Variants in ATF7IP2 observed in about 807,000 individuals in gnomAD.
The protein encoded by ATF7IP2 is activating transcription factor 7-interacting protein 2.
ATF7IP2 carries 42 observed loss-of-function variants against 64.2 expected under a neutral mutation model. That is an observed-to-expected ratio of 0.65 (90% confidence interval 0.51 to 0.85). The LOEUF is 0.85. ATF7IP2 is among the 40% of genes least tolerant of loss of function. The pLI, the probability that ATF7IP2 is intolerant of heterozygous loss-of-function variation, is 0.00. For missense variants in ATF7IP2, 933 were observed against 784.2 expected, an observed-to-expected ratio of 1.19 and a Z score of -2.27; for synonymous variants, 308 against 272.8, an observed-to-expected ratio of 1.13 and a Z score of -1.27.
chr16:10,428,395 A>G (rs1482721090), intron 3 of ATF7IP2, among the ~76,000 whole-genome samples: 2 of 152,136 alleles, frequency 1.3e-5, no homozygotes, highest in African/African-American at 4.8e-5. Context: ...CATAGTAACA[A>G]TATGTTCACG....
intron 9 of ATF7IP2, among the ~76,000 whole-genome samples, chr16:10,470,839 G>A (rs375802216): frequency 7.0e-5 from 9 of 128,298 alleles, no homozygotes; most frequent in Admixed American, 3.7e-4. Context: ...ATATATATAT[G>A]TGTGTGTATA....
At chr16:10,474,815 T>C (rs2049943623) in intron 12 of ATF7IP2, among the ~76,000 whole-genome samples, 1 of 152,188 alleles carries the variant, frequency 6.6e-6, no homozygotes, top group Non-Finnish European at 1.5e-5. Flanking sequence ...TTCACAGGTT[T>C]CTAGGCTAGA....
chr16:10,416,026 T>G (rs778286966), intron 2 of ATF7IP2, among the ~76,000 whole-genome samples: 8 of 152,208 alleles, frequency 5.3e-5, no homozygotes, highest in Non-Finnish European at 1.2e-4. Context: ...ACAACCAGTA[T>G]GGAGACCAGT....
At chr16:10,475,490 G>C (rs1283848299) in intron 12 of ATF7IP2, among the ~76,000 whole-genome samples, 1 of 152,018 alleles carries the variant, frequency 6.6e-6, no homozygotes, top group Non-Finnish European at 1.5e-5. Context: ...AGGAGATCAA[G>C]ACTATCCTGG....
At chr16:10,388,733 G>A (rs1436327320) in intron 1 of ATF7IP2, among the ~76,000 whole-genome samples, 3 of 152,146 alleles carry the variant, frequency 2.0e-5, no homozygotes, top group Admixed American at 6.5e-5. Context: ...TTTGTAGGCC[G>A]GGCGCGGTGG....
intron 1 of ATF7IP2, among the ~76,000 whole-genome samples, chr16:10,404,383 G>T (rs1013769414): frequency 2.0e-5 from 3 of 152,148 alleles, no homozygotes; most frequent in Admixed American, 2.0e-4. Context: ...CTCCCGAGTA[G>T]CTGGGATTAC....
At chr16:10,436,991 A>G (rs958978750) in intron 6 of ATF7IP2, among the ~76,000 whole-genome samples, 7 of 151,594 alleles carry the variant, frequency 4.6e-5, no homozygotes, top group African/African-American at 1.7e-4. Flanking sequence ...TAACATTGGT[A>G]ACTACATAAT....
chr16:10,442,714 C>A (rs561193480), intron 8 of ATF7IP2, among the ~76,000 whole-genome samples: 1 of 152,088 alleles, frequency 6.6e-6, no homozygotes, highest in South Asian at 2.1e-4. Context: ...GTTCCTATCA[C>A]GATACAGACT....
intron 8 of ATF7IP2, among the ~76,000 whole-genome samples, chr16:10,444,033 GT>G (rs2048719070): frequency 6.6e-6 from 1 of 152,128 alleles, no homozygotes; most frequent in African/African-American, 2.4e-5. Context: ...AGAGTTAGGG[GT>G]GGGTTCTGTG....
At chr16:10,457,637 T>C in intron 9 of ATF7IP2, 108 bp downstream of exon 9, 1 of 843,864 alleles carries the variant, frequency 1.2e-6, no homozygotes, top group Non-Finnish European at 1.8e-6. Context: ...TAACATTCAC[T>C]CTTAAAATGT....
At chr16:10,458,451 C>A (rs1356235559) in intron 9 of ATF7IP2, among the ~76,000 whole-genome samples, 2 of 152,152 alleles carry the variant, frequency 1.3e-5, no homozygotes, top group Non-Finnish European at 2.9e-5. Flanking sequence ...TCCAATTTAG[C>A]CATGGTTTGT....
chr16:10,462,779 A>T (rs2049418663), intron 9 of ATF7IP2, among the ~76,000 whole-genome samples: 1 of 152,056 alleles, frequency 6.6e-6, no homozygotes, highest in Admixed American at 6.6e-5. Context: ...TTATTGCTTC[A>T]GATATTGCTT....
intron 4 of ATF7IP2, 95 bp downstream of exon 4, chr16:10,429,111 G>C (rs1301884800): frequency 6.6e-6 from 1 of 152,134 alleles, no homozygotes; most frequent in Admixed American, 6.5e-5. Flanking sequence ...TTCAGGCAAA[G>C]CTGCTAATTT....
At chr16:10,477,612 C>T (rs575648800) in intron 12 of ATF7IP2, among the ~76,000 whole-genome samples, 2,100 of 152,202 alleles carry the variant, frequency 0.014, 49 homozygotes, top group African/African-American at 0.047. Flanking sequence ...CCTCTCTCAC[C>T]GCTCCTATTC....
intron 8 of ATF7IP2, among the ~76,000 whole-genome samples, chr16:10,450,878 G>C (rs1216206320): frequency 6.6e-6 from 1 of 152,126 alleles, no homozygotes; most frequent in Non-Finnish European, 1.5e-5. Context: ...TGGTTATTTT[G>C]CCGGTTAGTT....
chr16:10,431,603 C>A, intron 5 of ATF7IP2, 148 bp downstream of exon 5: 1 of 564,882 alleles, frequency 1.8e-6, no homozygotes, highest in Non-Finnish European at 3.0e-6. Flanking sequence ...CTGAACCATT[C>A]TTAGTGAGGT....
intron 1 of ATF7IP2, among the ~76,000 whole-genome samples, chr16:10,412,551 A>C (rs536008973): frequency 1.2e-4 from 19 of 152,232 alleles, no homozygotes; most frequent in African/African-American, 4.3e-4. Flanking sequence ...GCTTGATATA[A>C]TTTCAATTTT....
chr16:10,411,350 T>A (rs2047754320), intron 1 of ATF7IP2, among the ~76,000 whole-genome samples: 2 of 76,540 alleles, frequency 2.6e-5, no homozygotes, highest in African/African-American at 1.4e-4. Flanking sequence ...TGGGCCTTTT[T>A]GTTTTTTTTT....
At chr16:10,410,877 G>T (rs1447416852) in intron 1 of ATF7IP2, among the ~76,000 whole-genome samples, 1 of 152,138 alleles carries the variant, frequency 6.6e-6, no homozygotes, top group Non-Finnish European at 1.5e-5. Context: ...TTACATTGAG[G>T]TATGTCCTTT....
Sources: gnomAD v4.1 joint callset for allele counts (sites outside exome capture counted in the v4.1 genomes callset) on GRCh38, gnomAD v4.1.1 for gene constraint, MANE v1.5 for transcripts, NCBI Gene and HGNC (gene_info 2026-07-23, HGNC 2026-07-21) for gene names.